STAT5B: variants seen among roughly 807,000 people sequenced by gnomAD.
STAT5B encodes signal transducer and activator of transcription 5B, also known as transcription factor STAT5B.
In STAT5B, 21 loss-of-function variants were observed where a neutral mutation model predicts 107.8. That is an observed-to-expected ratio of 0.19 (90% CI 0.14 to 0.28). The LOEUF (loss-of-function observed/expected upper bound fraction) is 0.28, where lower values mean the gene tolerates loss of function less well. Among genes scored for constraint, STAT5B ranks in the 10% least tolerant of loss-of-function variants. STAT5B has a pLI of 1.00. For missense variants in STAT5B, 565 were observed against 1,008.2 expected (o/e 0.56, Z 5.95); for synonymous variants, 325 against 401.7 (o/e 0.81, Z 2.28).
rs1476794013 is a variant in STAT5B, at chr17:42,276,337, G to C, written c.-100C>G. 4 of 147,094 alleles carry C rather than the reference G, an allele frequency of 2.7e-5. No individual in the cohort carries two copies. In the East Asian group the frequency reaches 7.9e-4, roughly 29 times the overall value. The allele number at this position is 147,094 out of a possible 1,614,324, so 9.1% of individuals were successfully genotyped here. A position where few individuals can be genotyped will look rare whatever the true frequency, so the allele number is the denominator to read the frequency against. ...GCTCGCTCCCTCCCTCGGCCGGGCC[G>C]CCGCGCGGAGTTGCCTGCGCTGGGT... On this transcript the variant is annotated 5_prime_UTR_variant, in exon 1 of 19. Coordinates refer to ENST00000293328, the MANE Select transcript of STAT5B (RefSeq NM_012448.4). The surrounding 1 kb of genome is among the most constrained non-coding windows in gnomAD (Gnocchi z 4.8).
At chr17:42,222,002 TGTGTGCTGTGTGTG>T (rs1598305985) in intron 5 of STAT5B, among the ~76,000 whole-genome samples, 2 of 133,580 alleles carry the variant, frequency 1.5e-5, no homozygotes, top group East Asian at 2.2e-4. Flanking sequence ...GTGTGGTGTG[TGTGTGCTGTGTGTG>T]GTGTGGTGTG....
intron 1 of STAT5B, among the ~76,000 whole-genome samples, chr17:42,242,601 C>T (rs2080413488): frequency 8.6e-6 from 1 of 115,872 alleles, no homozygotes; most frequent in Admixed American, 9.8e-5. Context: ...ATGATCCCAC[C>T]CCCCACCCAA....
chr17:42,210,079 C>T (rs2080116349), intron 15 of STAT5B, 92 bp downstream of exon 15: 1 of 1,581,250 alleles, frequency 6.3e-7, no homozygotes, highest in Non-Finnish European at 8.7e-7. Context: ...GTACTGACCT[C>T]AACAAATAGT....
chr17:42,235,468 T>C (rs1390952330), intron 1 of STAT5B: 1 of 152,114 alleles, frequency 6.6e-6, no homozygotes, highest in Admixed American at 6.6e-5. Context: ...CAGATTTCCA[T>C]TTAAATAATC....
intron 1 of STAT5B, among the ~76,000 whole-genome samples, chr17:42,248,776 T>C (rs953512710): frequency 1.4e-4 from 22 of 152,364 alleles, no homozygotes; most frequent in African/African-American, 5.3e-4. Context: ...AGAGCAGCGA[T>C]TTCCTTCCAA....
chr17:42,262,758 G>GTA (rs1379089700), intron 1 of STAT5B, among the ~76,000 whole-genome samples: 5 of 135,300 alleles, frequency 3.7e-5, no homozygotes, highest in East Asian at 2.1e-4. Context: ...ATATATGTGT[G>GTA]TATATATATA....
chr17:42,262,233 T>TC (rs2144395360), intron 1 of STAT5B, among the ~76,000 whole-genome samples: 1 of 152,014 alleles, frequency 6.6e-6, no homozygotes, highest in Admixed American at 6.5e-5. Context: ...CGATCACAGC[T>TC]CACTGTATCC....
At chr17:42,208,128 A>G (rs1052982575) in intron 15 of STAT5B, among the ~76,000 whole-genome samples, 1 of 151,938 alleles carries the variant, frequency 6.6e-6, no homozygotes, top group African/African-American at 2.4e-5. Flanking sequence ...TCCTGACCTC[A>G]TGATCCACCC....
chr17:42,255,338 C>T (rs143588877), intron 1 of STAT5B, among the ~76,000 whole-genome samples: 2 of 152,234 alleles, frequency 1.3e-5, no homozygotes, highest in East Asian at 3.9e-4. Context: ...AGTAGATAAG[C>T]CACAGGCATA....
intron 2 of STAT5B, among the ~76,000 whole-genome samples, chr17:42,228,621 A>G (rs1567664263): frequency 6.6e-6 from 1 of 152,220 alleles, no homozygotes; most frequent in Admixed American, 6.5e-5. Context: ...AAAAAGAGGC[A>G]CCAACAAGTG....
intron 10 of STAT5B, 47 bp downstream of exon 10, chr17:42,217,330 C>T (rs1287726835): frequency 4.3e-6 from 7 of 1,614,194 alleles, no homozygotes; most frequent in Non-Finnish European, 5.1e-6. Context: ...AGTTGTTCCC[C>T]TCAAAGACCA....
chr17:42,276,391 C>A lies in STAT5B; in HGVS notation c.-154G>T, dbSNP rs1308300525. ...CGCCCGGGGTGACGGCTCCGGCCGC[C>A]GACTCTCCTCCCGCCGGGGCCCGCG... On this transcript the variant is annotated 5_prime_UTR_variant, in exon 1 of 19. Transcript: ENST00000293328. The surrounding 1 kb of genome is among the most constrained non-coding windows in gnomAD (Gnocchi z 4.8). 1 of 147,142 alleles carries A rather than the reference C, an allele frequency of 6.8e-6. No homozygotes were observed. The highest frequency in any genetic ancestry group is 2.4e-5 in the African/African-American group (1 of 40,946). 9.1% of individuals were successfully genotyped at this position (147,142 alleles called of 1,614,324 possible). A position where few individuals can be genotyped will look rare whatever the true frequency, so the allele number is the denominator to read the frequency against.
rs1278592336 is a variant in STAT5B at position 42,201,161 on chromosome 17, T to C, written c.*577A>G. ...AACAATCTTTGTAGGTTGCCCCTTT[T>C]CCCATTCCTACCCAAGAACACAGGG... On this transcript the variant is annotated 3_prime_UTR_variant, in exon 19 of 19. Transcript: ENST00000293328. 4.9e-6 allele frequency: 2 copies of C among 407,592 alleles called. No homozygotes were observed. The highest frequency in any genetic ancestry group is 8.6e-6 in the Non-Finnish European group (2 of 231,236). The allele number at this position is 407,592 out of a possible 1,614,324, so 25.2% of individuals were successfully genotyped here.
At chr17:42,264,331 A>G (rs1376535647) in intron 1 of STAT5B, among the ~76,000 whole-genome samples, 1 of 148,834 alleles carries the variant, frequency 6.7e-6, no homozygotes, top group Admixed American at 6.7e-5. Flanking sequence ...GGCATTAGGT[A>G]TATCTCCCAA....
chr17:42,286,391 A>AC, the STAT5B span, among the ~76,000 whole-genome samples: 92 of 152,252 alleles, frequency 6.0e-4, no homozygotes, highest in South Asian at 1.0e-3. Flanking sequence ...GGCTCTGAAA[A>AC]CACAGCCACA....
chr17:42,216,253 G>C, intron 11 of STAT5B, 147 bp from the exon 12 acceptor site: 1 of 695,178 alleles, frequency 1.4e-6, no homozygotes, highest in Non-Finnish European at 2.5e-6. Flanking sequence ...ATGGCCCCAG[G>C]AATAATATGA....
intron 2 of STAT5B, among the ~76,000 whole-genome samples, chr17:42,228,480 C>A (rs2080292617): frequency 6.6e-6 from 1 of 152,170 alleles, no homozygotes; most frequent in African/African-American, 2.4e-5. Flanking sequence ...TACTTACTCA[C>A]TGAAGAAACC....
At chr17:42,220,232 T>C (rs2080213133) in intron 5 of STAT5B, among the ~76,000 whole-genome samples, 1 of 152,186 alleles carries the variant, frequency 6.6e-6, no homozygotes, top group Non-Finnish European at 1.5e-5. Flanking sequence ...GCAAATCGCT[T>C]TCCTTTCCTG....
chr17:42,203,066 C>T (rs2080058715), intron 16 of STAT5B: 1 of 496,406 alleles, frequency 2.0e-6, no homozygotes, highest in Non-Finnish European at 3.7e-6. Flanking sequence ...CCTCAGCCTC[C>T]TGAGTAGCTG....
Sources: gnomAD v4.1 joint callset for allele counts (sites outside exome capture counted in the v4.1 genomes callset) on GRCh38, gnomAD v4.1.1 for gene constraint, Gnocchi (gnomAD v3.1) non-coding constraint, MANE v1.5 for transcripts, NCBI Gene and HGNC (gene_info 2026-07-23, HGNC 2026-07-21) for gene names.